Variants in ZBED4 observed in about 807,000 individuals in gnomAD.
ZBED4 encodes the protein zinc finger BED-type containing 4, also known as zinc finger BED domain-containing protein 4.
A neutral mutation model predicts 15.5 loss-of-function variants in ZBED4; 4 were observed. That is an observed-to-expected ratio of 0.26 (90% CI 0.13 to 0.59). ZBED4 has a LOEUF of 0.59. Among genes scored for constraint, ZBED4 ranks in the 20% least tolerant of loss-of-function variants. The pLI, the probability that ZBED4 is intolerant of heterozygous loss-of-function variation, is 0.90. For synonymous variants in ZBED4, 692 were observed against 608.5 expected, an observed-to-expected ratio of 1.14 and a Z score of -2.02; for missense variants, 1,323 against 1,461.8, an observed-to-expected ratio of 0.91 and a Z score of 1.55.
chr22:49,877,210 T>G (rs994916381), intron 1 of ZBED4, among the ~76,000 whole-genome samples: 7 of 148,298 alleles, frequency 4.7e-5, no homozygotes, highest in Non-Finnish European at 6.0e-5. Flanking sequence ...GAAGTCTTGC[T>G]TTTTTATTCA....
rs892752685 is a variant in ZBED4 at position 49,889,237 on chromosome 22, C to T, written c.*2059C>T. 2.4e-5 allele frequency: 4 copies of T among 167,068 alleles called. No individual in the cohort carries two copies. The highest frequency in any genetic ancestry group is 2.1e-4 in the South Asian group (1 of 4,826). The allele number at this position is 167,068 out of a possible 1,614,324, so 10.3% of individuals were successfully genotyped here. A position where few individuals can be genotyped will look rare whatever the true frequency, so the allele number is the denominator to read the frequency against. ...GCAAGCTGCAACCACAGACCCAGTC[C>T]GGCACTCTGCCCATTTTTCTAAGTG... On this transcript the variant is annotated 3_prime_UTR_variant, in exon 2 of 2. Transcript: ENST00000216268.
intron 1 of ZBED4, among the ~76,000 whole-genome samples, chr22:49,869,913 G>A (rs1189937337): frequency 6.6e-6 from 1 of 152,190 alleles, no homozygotes; most frequent in Non-Finnish European, 1.5e-5. Context: ...TCGTCGCCCA[G>A]ATCGTGAGCA....
intron 1 of ZBED4, among the ~76,000 whole-genome samples, chr22:49,872,642 G>A (rs562778476): frequency 1.8e-4 from 28 of 152,102 alleles, no homozygotes; most frequent in Non-Finnish European, 4.0e-4. Context: ...CGAACCTCCC[G>A]TCTCAGCCTG....
chr22:49,865,041 G>GT (rs1203852959), intron 1 of ZBED4, among the ~76,000 whole-genome samples: 1 of 147,970 alleles, frequency 6.8e-6, no homozygotes, highest in Non-Finnish European at 1.5e-5. Context: ...AGTGACGGCA[G>GT]CCCCGGGTCT....
intron 1 of ZBED4, among the ~76,000 whole-genome samples, chr22:49,864,277 G>T (rs887461390): frequency 7.2e-5 from 11 of 152,204 alleles, no homozygotes; most frequent in Admixed American, 5.2e-4. Context: ...TTGGAATATC[G>T]CATAATGTCT....
At chr22:49,878,362 TAACTG>T (rs1282167680) in intron 1 of ZBED4, among the ~76,000 whole-genome samples, 2 of 146,550 alleles carry the variant, frequency 1.4e-5, no homozygotes, top group Non-Finnish European at 1.5e-5. Context: ...AGAGTAATAA[TAACTG>T]GGAGTGGAAC....
chr22:49,873,821 C>T (rs1285600525), intron 1 of ZBED4, among the ~76,000 whole-genome samples: 2 of 149,906 alleles, frequency 1.3e-5, no homozygotes, highest in Admixed American at 6.8e-5. Context: ...GGGTTCTTCT[C>T]GACCCACAGG....
upstream of ZBED4, chr22:49,852,878 A>G (rs2060257649): frequency 6.6e-6 from 1 of 152,274 alleles, no homozygotes; most frequent in African/African-American, 2.4e-5. Flanking sequence ...AAAACGAGAA[A>G]AGCATTCTTA....
intron 1 of ZBED4, among the ~76,000 whole-genome samples, chr22:49,877,738 T>C (rs2147532455): frequency 6.6e-6 from 1 of 152,270 alleles, no homozygotes; most frequent in East Asian, 1.9e-4. Context: ...ATGGACATGC[T>C]TGTGTATCCA....
At chr22:49,866,096 C>G (rs962574665) in intron 1 of ZBED4, among the ~76,000 whole-genome samples, 1 of 151,460 alleles carries the variant, frequency 6.6e-6, no homozygotes, top group African/African-American at 2.4e-5. Flanking sequence ...ACAGTTTTTT[C>G]TTTCCAAGTG....
Position 49,886,514 on chromosome 22 carries a change from T to C in ZBED4, c.2852T>C (p.Met951Thr), listed in dbSNP as rs2060440028. The C allele has an allele frequency of 6.4e-7, 1 of 1,569,480 alleles. No homozygotes were observed. Among genetic ancestry groups the C allele is most frequent in the East Asian group, 2.2e-5 (1 of 44,566 alleles). ...GCGAGCCGGGAGATGAGCACGCAGA[T>C]GTCCACCCTCAGCCAGGTCATCCCC... ...EAASREMSTQ[M>T]STLSQVIPMV... Residue 951 changes from methionine (M) to threonine (T), a missense_variant, in exon 2 of 2, where the codon ATG (methionine) becomes ACG (threonine). This residue lies in a region of ZBED4 where 312 missense variants were observed against 410.7 expected (regional missense o/e 0.76). Coordinates refer to ENST00000216268, the MANE Select transcript of ZBED4 (RefSeq NM_014838.3). This position sits in a 1 kb window ranked among gnomAD's most constrained non-coding sequence, Gnocchi z 7.7.
Position 49,884,835 on chromosome 22 carries a change from C to G in ZBED4, c.1173C>G (p.Asp391Glu), listed in dbSNP as rs770736620. 3.7e-6 allele frequency: 6 copies of G among 1,610,580 alleles called. No homozygotes were observed. Among genetic ancestry groups the G allele is most frequent in the Non-Finnish European group, 5.1e-6 (6 of 1,177,490 alleles). The change falls in exon 2 of 2, where the codon GAC becomes GAG. Residue 391 changes from aspartate (D) to glutamate (E), a missense_variant. Physicochemically the swap from Asp to Glu is conservative, Grantham distance 45 (BLOSUM62 2). Transcript: ENST00000216268. ...CCCCTTCGGCCTCCTCCTCCCCTGA[C>G]AGGCTGACTGAGGACTTGCAGTCTC... ...RESPSASSSP[D>E]RLTEDLQSHL...
At chr22:49,860,967 T>C (rs918397275) in intron 1 of ZBED4, among the ~76,000 whole-genome samples, 19 of 145,066 alleles carry the variant, frequency 1.3e-4, no homozygotes, top group Non-Finnish European at 2.7e-4. Flanking sequence ...TTAGTAGAGA[T>C]GGGGTTTCAC....
rs2147549034 is a variant in ZBED4 at position 49,884,811 on chromosome 22, C to T, written c.1149C>T (p.Ser383=). Residue 383 remains serine, a synonymous_variant, in exon 2 of 2, where the codon TCC becomes TCT. Transcript: ENST00000216268. ...CTCCAGTAAAGCCGGTCAGAGAGTC[C>T]CCTTCGGCCTCCTCCTCCCCTGACA... is the stretch of plus-strand genomic sequence containing the variant. ...SSSPVKPVRE[S]PSASSSPDRL... is the part of the protein sequence containing the mutation. 1 of 1,610,226 alleles carries T rather than the reference C, an allele frequency of 6.2e-7. No homozygotes were observed. The highest frequency in any genetic ancestry group is 8.5e-7 in the Non-Finnish European group (1 of 1,177,170).
intron 1 of ZBED4, among the ~76,000 whole-genome samples, chr22:49,879,093 C>T (rs1479315053): frequency 4.0e-5 from 6 of 148,630 alleles, no homozygotes; most frequent in African/African-American, 7.4e-5. Flanking sequence ...TGCAGTGAGC[C>T]GAGATCGCGC....
At chr22:49,869,724 C>T (rs1300536231) in intron 1 of ZBED4, among the ~76,000 whole-genome samples, 1 of 152,196 alleles carries the variant, frequency 6.6e-6, no homozygotes, top group Non-Finnish European at 1.5e-5. Flanking sequence ...CCTGTGCACG[C>T]ATCCCCAGCT....
chr22:49,886,923 G>C lies in ZBED4; in HGVS notation c.3261G>C (p.Ala1087=), dbSNP rs376094243. 18 of 1,614,002 alleles carry C rather than the reference G, an allele frequency of 1.1e-5. No individual in the cohort carries two copies. Among genetic ancestry groups the C allele is most frequent in the Middle Eastern group, 1.6e-4 (1 of 6,084 alleles). The change falls in exon 2 of 2, where the codon GCG becomes GCC. Residue 1087 remains alanine (A), a synonymous_variant. Transcript: ENST00000216268. This position sits in a 1 kb window ranked among gnomAD's most constrained non-coding sequence, Gnocchi z 7.7. ...AGCTGCCTGAAGCCATGGTGCTTGC[G>C]TATCTGGAGGAGGAGGTGCTTGAAC... The part of the protein sequence containing the change: ...REKLPEAMVL[A]YLEEEVLEHS...
At chr22:49,862,627 AG>A (rs2147505675) in intron 1 of ZBED4, among the ~76,000 whole-genome samples, 1 of 150,496 alleles carries the variant, frequency 6.6e-6, no homozygotes, top group East Asian at 1.9e-4. Flanking sequence ...CTGTTACAGC[AG>A]CTACTTCCTT....
chr22:49,875,532 T>A (rs1314045279), intron 1 of ZBED4, among the ~76,000 whole-genome samples: 1 of 151,988 alleles, frequency 6.6e-6, no homozygotes, highest in East Asian at 1.9e-4. Flanking sequence ...GGGATTCTCC[T>A]GCCTCAGCCT....
Sources: gnomAD v4.1 joint callset for allele counts (sites outside exome capture counted in the v4.1 genomes callset) on GRCh38, gnomAD v4.1.1 for gene constraint, gnomAD v4.1.1 regional missense constraint, Gnocchi (gnomAD v3.1) non-coding constraint, MANE v1.5 for transcripts, NCBI Gene and HGNC (gene_info 2026-07-23, HGNC 2026-07-21) for gene names.